Variants in FBXL2 observed in about 807,000 individuals in gnomAD.
FBXL2 encodes F-box and leucine rich repeat protein 2.
In FBXL2, 38 loss-of-function variants were observed where a neutral mutation model predicts 69.2. That is an observed-to-expected ratio of 0.55 (90% CI 0.42 to 0.72). The LOEUF is 0.72. FBXL2 is among the 30% of genes least tolerant of loss of function. FBXL2 has a pLI of 0.00. For missense variants in FBXL2, 354 were observed against 520.3 expected, an observed-to-expected ratio of 0.68 and a Z score of 3.11; for synonymous variants, 192 against 201.3, an observed-to-expected ratio of 0.95 and a Z score of 0.39.
At chr3:33,289,352 T>C (rs1486459499) in intron 1 of FBXL2, among the ~76,000 whole-genome samples, 6 of 152,120 alleles carry the variant, frequency 3.9e-5, no homozygotes, top group Non-Finnish European at 8.8e-5. Context: ...AAAAGGATAA[T>C]AAAGACTTCC....
intron 13 of FBXL2, among the ~76,000 whole-genome samples, chr3:33,379,735 A>T (rs1180427391): frequency 6.6e-6 from 1 of 152,118 alleles, no homozygotes; most frequent in Non-Finnish European, 1.5e-5. Context: ...CCTCATAAAC[A>T]TAGAAGCAAG....
chr3:33,289,331 T>C (rs113621338), intron 1 of FBXL2, among the ~76,000 whole-genome samples: 2,244 of 152,316 alleles, frequency 0.015, 23 homozygotes, highest in South Asian at 0.037. Context: ...AAGTCTGTTT[T>C]TCTTCCATCA....
At chr3:33,331,668 G>T (rs1461698084) in intron 2 of FBXL2, among the ~76,000 whole-genome samples, 1 of 152,140 alleles carries the variant, frequency 6.6e-6, no homozygotes, top group Non-Finnish European at 1.5e-5. Flanking sequence ...CAACTTTATA[G>T]GGACATTTCA....
At chr3:33,399,213 C>T (rs532510130) in intron 12 of FBXL2, among the ~76,000 whole-genome samples, 1 of 152,178 alleles carries the variant, frequency 6.6e-6, no homozygotes, top group Non-Finnish European at 1.5e-5. Flanking sequence ...GATGTTTGGC[C>T]AGGCCATGTT....
chr3:33,400,028 T>C (rs927172592), intron 12 of FBXL2, among the ~76,000 whole-genome samples: 2 of 152,218 alleles, frequency 1.3e-5, no homozygotes, highest in Non-Finnish European at 2.9e-5. Flanking sequence ...AAATACAAGA[T>C]ATTCCTATTG....
At chr3:33,382,135 T>C (rs2043106469) in intron 13 of FBXL2, among the ~76,000 whole-genome samples, 1 of 152,210 alleles carries the variant, frequency 6.6e-6, no homozygotes, top group African/African-American at 2.4e-5. Context: ...CTGCCAGGAC[T>C]TGTCAAGTCC....
chr3:33,407,472 A>G (rs929140874), downstream of FBXL2, among the ~76,000 whole-genome samples: 2 of 152,122 alleles, frequency 1.3e-5, no homozygotes, highest in African/African-American at 4.8e-5. Context: ...GAAGAGGATA[A>G]AAACAAAATT....
chr3:33,303,794 A>T (rs2036489873), intron 2 of FBXL2, among the ~76,000 whole-genome samples: 1 of 152,116 alleles, frequency 6.6e-6, no homozygotes, highest in Non-Finnish European at 1.5e-5. Flanking sequence ...AGATAAAGGT[A>T]GATTGATTTT....
At chr3:33,294,259 G>A (rs532847531) in intron 1 of FBXL2, among the ~76,000 whole-genome samples, 9 of 152,088 alleles carry the variant, frequency 5.9e-5, no homozygotes, top group African/African-American at 2.2e-4. Flanking sequence ...ACCATGCCCT[G>A]CTGATTTTTA....
intron 1 of FBXL2, among the ~76,000 whole-genome samples, chr3:33,287,627 C>T (rs1164328575): frequency 6.6e-6 from 1 of 152,152 alleles, no homozygotes; most frequent in Non-Finnish European, 1.5e-5. Flanking sequence ...AGATGTGAGG[C>T]ACTGCACCCA....
rs554629778 is a variant in FBXL2, at chr3:33,315,188, CTTTCT to C, written c.65+17477_65+17481del. Among the ~76,000 whole-genome samples, 45 of 151,582 alleles carry C rather than the reference CTTTCT, an allele frequency of 3.0e-4. No individual in the cohort carries two copies. The South Asian group carries it at 5.0e-3, about 17-fold the overall frequency. On this transcript the variant is annotated intron_variant, in intron 2 of 14. Transcript: ENST00000484457. The stretch of plus-strand genomic sequence containing the variant: ...TCCCTTCCCTGTCTTTCATTCTTTC[CTTTCT>C]TTTCTTTTCTTTTTCTTTCTCCTTT...
chr3:33,360,455 T>C (rs1175139643), intron 4 of FBXL2, among the ~76,000 whole-genome samples: 3 of 152,166 alleles, frequency 2.0e-5, no homozygotes, highest in Non-Finnish European at 4.4e-5. Context: ...AGATTTCCCT[T>C]TATTAAATAA....
downstream of FBXL2, chr3:33,408,616 G>A (rs764251070): frequency 4.2e-5 from 51 of 1,224,664 alleles, no homozygotes; most frequent in Middle Eastern, 7.9e-4. Context: ...TTTACTTTGC[G>A]GTGGAAGTTG....
intron 2 of FBXL2, among the ~76,000 whole-genome samples, chr3:33,313,714 T>C (rs2037426115): frequency 6.6e-6 from 1 of 151,938 alleles, no homozygotes; most frequent in Admixed American, 6.6e-5. Context: ...CCTGAACTAC[T>C]GGGGTTATAG....
intron 1 of FBXL2, among the ~76,000 whole-genome samples, chr3:33,282,630 C>T (rs977775820): frequency 6.6e-6 from 1 of 152,126 alleles, no homozygotes; most frequent in African/African-American, 2.4e-5. Context: ...CTGTAAATTA[C>T]CTTGGGCAGT....
At chr3:33,334,501 C>G (rs2039409819) in intron 2 of FBXL2, among the ~76,000 whole-genome samples, 1 of 151,748 alleles carries the variant, frequency 6.6e-6, no homozygotes, top group Non-Finnish European at 1.5e-5. Flanking sequence ...AACTGATGCA[C>G]AAAGAGAAAA....
chr3:33,412,924 CA>C, the FBXL2 span: 2 of 770,872 alleles, frequency 2.6e-6, no homozygotes, highest in Non-Finnish European at 4.6e-6. Flanking sequence ...AGCAGTAGAA[CA>C]CATACAACTA....
chr3:33,309,015 G>A (rs2036955187), intron 2 of FBXL2, among the ~76,000 whole-genome samples: 1 of 152,200 alleles, frequency 6.6e-6, no homozygotes, highest in South Asian at 2.1e-4. Flanking sequence ...CCTGGAGAAT[G>A]TTCTGTGTGT....
At chr3:33,323,533 C>A (rs1575192144) in intron 2 of FBXL2, among the ~76,000 whole-genome samples, 1 of 152,152 alleles carries the variant, frequency 6.6e-6, no homozygotes, top group East Asian at 1.9e-4. Context: ...TTGTTCAGCT[C>A]TCACTTACGA....
Sources: allele counts gnomAD v4.1 joint callset (sites outside exome capture counted in the v4.1 genomes callset), GRCh38; gene constraint gnomAD v4.1.1; transcripts MANE v1.5; gene names NCBI Gene and HGNC (gene_info 2026-07-23, HGNC 2026-07-21).